Variants in FRS2 observed in about 807,000 individuals in gnomAD.
FRS2 encodes the protein FGFR signalling adaptor.
Under a neutral mutation model 43.9 loss-of-function variants are expected in FRS2, and 8 were observed. The ratio of observed to expected loss-of-function variants is 0.18; its 90% CI spans 0.11 to 0.33. The LOEUF is 0.33. Ranked by LOEUF, FRS2 falls within the 10% of genes least tolerant of loss-of-function variation. FRS2 has a pLI of 1.00. For synonymous variants in FRS2, 219 were observed against 220.3 expected (o/e 0.99, Z 0.05); for missense variants, 534 against 627.6 (o/e 0.85, Z 1.59).
intron 1 of FRS2, among the ~76,000 whole-genome samples, chr12:69,477,974 C>G (rs1176235381): frequency 6.6e-6 from 1 of 151,790 alleles, no homozygotes; most frequent in Non-Finnish European, 1.5e-5. Context: ...ATCTCCTGAC[C>G]TTGTGATCCG....
intron 1 of FRS2, among the ~76,000 whole-genome samples, chr12:69,502,424 G>C (rs1482546037): frequency 6.6e-6 from 1 of 151,748 alleles, no homozygotes; most frequent in Non-Finnish European, 1.5e-5. Flanking sequence ...TTATAGAGTT[G>C]GGGTCTCACT....
intron 1 of FRS2, among the ~76,000 whole-genome samples, chr12:69,511,598 C>T (rs1874459468): frequency 6.6e-6 from 1 of 152,056 alleles, no homozygotes; most frequent in Non-Finnish European, 1.5e-5. Context: ...AAACTCTGAA[C>T]TGGTGGATTT....
intron 1 of FRS2, chr12:69,486,182 A>T (rs1285507312): frequency 1.6e-4 from 24 of 147,752 alleles, no homozygotes; most frequent in Middle Eastern, 3.5e-3. Context: ...AGATAACTGC[A>T]TTTTTTTTTT....
intron 3 of FRS2, among the ~76,000 whole-genome samples, chr12:69,539,785 C>T (rs987747977): frequency 1.3e-5 from 2 of 151,914 alleles, no homozygotes; most frequent in Non-Finnish European, 2.9e-5. Flanking sequence ...GAAACCCCGT[C>T]TCTACTAAAA....
intron 3 of FRS2, among the ~76,000 whole-genome samples, chr12:69,549,665 A>G (rs1284273086): frequency 6.6e-6 from 1 of 152,228 alleles, no homozygotes; most frequent in Non-Finnish European, 1.5e-5. Flanking sequence ...CTCCTATTTC[A>G]GGAGCAAATC....
At chr12:69,534,369 C>CA (rs1411779803) in intron 3 of FRS2, among the ~76,000 whole-genome samples, 1 of 151,924 alleles carries the variant, frequency 6.6e-6, no homozygotes, top group African/African-American at 2.4e-5. Flanking sequence ...GATTAAAAAA[C>CA]AAAAAAACAA....
chr12:69,502,674 G>A (rs1384663430), intron 1 of FRS2, among the ~76,000 whole-genome samples: 1 of 152,212 alleles, frequency 6.6e-6, no homozygotes, highest in African/African-American at 2.4e-5. Context: ...ATTATGATAA[G>A]TGAGAGGAGC....
intron 1 of FRS2, among the ~76,000 whole-genome samples, chr12:69,471,276 AG>A (rs1042645661): frequency 3.1e-4 from 47 of 152,218 alleles, no homozygotes; most frequent in African/African-American, 1.1e-3. Flanking sequence ...AAAAAAAAAA[AG>A]ATGCTTTTCT....
At chr12:69,512,976 G>A (rs1469956232) in intron 1 of FRS2, among the ~76,000 whole-genome samples, 1 of 152,154 alleles carries the variant, frequency 6.6e-6, no homozygotes, top group African/African-American at 2.4e-5. Flanking sequence ...AAAGGAAGAT[G>A]TCTTAATGAC....
intron 1 of FRS2, among the ~76,000 whole-genome samples, chr12:69,492,516 C>G (rs1398041964): frequency 6.6e-6 from 1 of 152,138 alleles, no homozygotes; most frequent in Non-Finnish European, 1.5e-5. Flanking sequence ...AAGAAGATTT[C>G]TAGGGATAAG....
chr12:69,501,871 A>G (rs1373959852), intron 1 of FRS2, among the ~76,000 whole-genome samples: 1 of 152,204 alleles, frequency 6.6e-6, no homozygotes, highest in Non-Finnish European at 1.5e-5. Context: ...TCCAGGTTAC[A>G]AGCATTCTTT....
chr12:69,511,051 G>T (rs1377753849), intron 1 of FRS2, among the ~76,000 whole-genome samples: 2 of 152,074 alleles, frequency 1.3e-5, no homozygotes, highest in Admixed American at 6.5e-5. Flanking sequence ...ATACTATAAG[G>T]TATCCAACTC....
chr12:69,490,032 C>A, intron 1 of FRS2, among the ~76,000 whole-genome samples: 1 of 151,686 alleles, frequency 6.6e-6, no homozygotes, highest in South Asian at 2.1e-4. Flanking sequence ...ACTGATGTAG[C>A]AGTATGTTCA....
intron 3 of FRS2, among the ~76,000 whole-genome samples, chr12:69,552,195 G>T (rs562845978): frequency 6.6e-6 from 1 of 150,768 alleles, no homozygotes; most frequent in Non-Finnish European, 1.5e-5. Flanking sequence ...CCAGCTACTC[G>T]GGAGGCTGAG....
intron 3 of FRS2, among the ~76,000 whole-genome samples, chr12:69,550,190 A>G (rs1878751066): frequency 6.6e-6 from 1 of 152,178 alleles, no homozygotes; most frequent in Non-Finnish European, 1.5e-5. Flanking sequence ...TGTCAACCTC[A>G]ACTAAAAATG....
chr12:69,496,262 C>T (rs959996814), intron 1 of FRS2, among the ~76,000 whole-genome samples: 1 of 152,044 alleles, frequency 6.6e-6, no homozygotes, highest in African/African-American at 2.4e-5. Flanking sequence ...CAGTGAAACC[C>T]CGAATCTACT....
chr12:69,519,720 T>G (rs933625266), intron 1 of FRS2, among the ~76,000 whole-genome samples: 11 of 152,206 alleles, frequency 7.2e-5, no homozygotes, highest in African/African-American at 2.4e-4. Flanking sequence ...CACCTTTTGT[T>G]GCTGCAAAGG....
At chr12:69,474,623 G>A (rs1038030915) in intron 1 of FRS2, among the ~76,000 whole-genome samples, 1 of 152,198 alleles carries the variant, frequency 6.6e-6, no homozygotes. Flanking sequence ...TGGGTAGCAA[G>A]AATACTATGC....
At chr12:69,565,929 C>G (rs140724602) in intron 4 of FRS2, among the ~76,000 whole-genome samples, 1 of 151,888 alleles carries the variant, frequency 6.6e-6, no homozygotes, top group South Asian at 2.1e-4. Flanking sequence ...TCAAGTATTA[C>G]GTACTATACA....
Sources: allele counts gnomAD v4.1 joint callset (sites outside exome capture counted in the v4.1 genomes callset), GRCh38; gene constraint gnomAD v4.1.1; transcripts MANE v1.5; gene names NCBI Gene and HGNC (gene_info 2026-07-23, HGNC 2026-07-21).